The following ST6GAL1 variants were observed in gnomAD, a reference collection of about 807,000 sequenced individuals.
The protein encoded by ST6GAL1 is ST6 beta-galactoside alpha-2,6-sialyltransferase 1.
ST6GAL1 carries 20 observed loss-of-function variants against 38.0 expected under a neutral mutation model. That is an observed-to-expected ratio of 0.53 (90% CI 0.37 to 0.77). The LOEUF is 0.77. Ranked by LOEUF, ST6GAL1 falls within the 30% of genes least tolerant of loss-of-function variation. The pLI is 0.00. For synonymous variants in ST6GAL1, 196 were observed against 188.2 expected, an observed-to-expected ratio of 1.04 and a Z score of -0.34; for missense variants, 432 against 496.4, an observed-to-expected ratio of 0.87 and a Z score of 1.23.
intron 1 of ST6GAL1, among the ~76,000 whole-genome samples, chr3:186,945,305 C>A (rs1714317376): frequency 1.4e-5 from 2 of 143,686 alleles, no homozygotes; most frequent in African/African-American, 5.4e-5. Context: ...GACCCTGTCT[C>A]TATTTAAAAA....
At chr3:186,960,911 C>T (rs906641304) in intron 1 of ST6GAL1, among the ~76,000 whole-genome samples, 1 of 151,708 alleles carries the variant, frequency 6.6e-6, no homozygotes, top group Non-Finnish European at 1.5e-5. Context: ...CTGCCCTGCT[C>T]TCTTTGTAGG....
intron 5 of ST6GAL1, among the ~76,000 whole-genome samples, chr3:187,066,084 T>C (rs1579378358): frequency 6.7e-6 from 1 of 149,428 alleles, no homozygotes; most frequent in Admixed American, 6.6e-5. Flanking sequence ...GCAGGGCGGG[T>C]GGGAGGTGGG....
intron 5 of ST6GAL1, among the ~76,000 whole-genome samples, chr3:187,052,039 C>T (rs904360934): frequency 2.6e-5 from 4 of 152,170 alleles, no homozygotes; most frequent in African/African-American, 7.2e-5. Flanking sequence ...TCTGAATAAA[C>T]ATATGTGCTC....
At chr3:187,039,473 A>G (rs1241654704) in intron 3 of ST6GAL1, among the ~76,000 whole-genome samples, 5 of 152,198 alleles carry the variant, frequency 3.3e-5, no homozygotes, top group South Asian at 2.1e-4. Context: ...ACTGGCTGGC[A>G]GCAAAGGGGA....
At chr3:186,963,464 C>T (rs980586962) in intron 1 of ST6GAL1, among the ~76,000 whole-genome samples, 3 of 152,156 alleles carry the variant, frequency 2.0e-5, no homozygotes, top group Non-Finnish European at 4.4e-5. Context: ...ATCCATTGTC[C>T]GCAGGCCTTC....
At chr3:186,976,498 C>T (rs1303440597) in intron 2 of ST6GAL1, among the ~76,000 whole-genome samples, 1 of 152,082 alleles carries the variant, frequency 6.6e-6, no homozygotes, top group Non-Finnish European at 1.5e-5. Context: ...GGCACTATCT[C>T]GGCTCACTGC....
At chr3:186,971,152 T>A (rs1156974489) in intron 2 of ST6GAL1, among the ~76,000 whole-genome samples, 2 of 152,226 alleles carry the variant, frequency 1.3e-5, no homozygotes, top group Admixed American at 6.5e-5. Context: ...GCAGTGGTGC[T>A]ATCTTGGCTC....
In ST6GAL1 at chr3:186,936,939, CAA is replaced by C. The variant is rs60914982; in HGVS notation, c.-325+6127_-325+6128del. Among the ~76,000 whole-genome samples the C allele has an allele frequency of 2.8e-3, 247 of 87,924 alleles. 1 individual carries two copies. Among genetic ancestry groups the C allele is most frequent in the African/African-American group, 5.5e-3 (135 of 24,690 alleles). The allele number at this position is 87,924 out of a possible 152,430, so 57.7% of individuals were successfully genotyped here. On this transcript the variant is annotated intron_variant, in intron 1 of 7. Transcript: ENST00000169298. ...CCTGGGTGACAGAGCAAGACTGTCTCAAAAAAAAAAAAAAAAAAAAAAAGAAA... is the reference window on the plus strand; with the variant it reads ...CCTGGGTGACAGAGCAAGACTGTCTCAAAAAAAAAAAAAAAAAAAAAGAAA...
intron 2 of ST6GAL1, among the ~76,000 whole-genome samples, chr3:187,009,906 G>A (rs569528060): frequency 2.0e-5 from 3 of 152,202 alleles, no homozygotes; most frequent in Non-Finnish European, 2.9e-5. Flanking sequence ...TCAGGAGGCC[G>A]AGGCAGGAGA....
At chr3:186,946,495 C>T (rs1471240949) in intron 1 of ST6GAL1, among the ~76,000 whole-genome samples, 2 of 152,084 alleles carry the variant, frequency 1.3e-5, no homozygotes, top group Non-Finnish European at 2.9e-5. Flanking sequence ...GATCCTCCCG[C>T]CGGCCTCCGA....
chr3:186,984,822 T>TCCTC, intron 2 of ST6GAL1, among the ~76,000 whole-genome samples: 1 of 41,094 alleles, frequency 2.4e-5, no homozygotes, highest in African/African-American at 9.2e-5. Flanking sequence ...CTTCCTTCCT[T>TCCTC]CCTTCCCTCC....
intron 5 of ST6GAL1, among the ~76,000 whole-genome samples, chr3:187,066,030 C>T (rs1254777391): frequency 6.6e-6 from 1 of 151,498 alleles, no homozygotes; most frequent in East Asian, 2.0e-4. Context: ...GAAGCTCCAA[C>T]TTTTCTTCTC....
At chr3:186,968,023 C>T (rs951299018) in intron 2 of ST6GAL1, among the ~76,000 whole-genome samples, 5 of 152,204 alleles carry the variant, frequency 3.3e-5, no homozygotes, top group Admixed American at 6.5e-5. Flanking sequence ...AGATCTCCTG[C>T]AGCCCCAGCC....
rs1560131446 is a variant in ST6GAL1 at position 186,930,533 on chromosome 3, T to A, written c.-626T>A. Reference sequence around the variant, plus strand: ...TTCCCGCCCCTCCGCCGCGCTCTTCTTCCTTCCTTCTCCAGTCCCTTCCAC... The same window carrying A: ...TTCCCGCCCCTCCGCCGCGCTCTTCATCCTTCCTTCTCCAGTCCCTTCCAC... On this transcript the variant is annotated 5_prime_UTR_variant, in exon 1 of 8. Transcript: ENST00000169298. 6.5e-6 allele frequency: 1 copy of A among 152,894 alleles called. No individual in the cohort carries two copies. The highest frequency in any genetic ancestry group is 2.4e-5 in the African/African-American group (1 of 41,478). 9.5% of individuals were successfully genotyped at this position (152,894 alleles called of 1,614,324 possible).
intron 1 of ST6GAL1, among the ~76,000 whole-genome samples, chr3:186,940,659 G>T (rs898808371): frequency 2.0e-5 from 3 of 152,160 alleles, no homozygotes; most frequent in African/African-American, 4.8e-5. Flanking sequence ...TGTGGCCCAA[G>T]ATAATTCTTC....
At chr3:186,982,333 T>TA (rs1388574639) in intron 2 of ST6GAL1, among the ~76,000 whole-genome samples, 6 of 152,250 alleles carry the variant, frequency 3.9e-5, no homozygotes, top group Non-Finnish European at 7.3e-5. Context: ...TCCATGTGGA[T>TA]AAGCATGACC....
Position 187,075,479 on chromosome 3 carries a change from A to C in ST6GAL1, c.980-83A>C, listed in dbSNP as rs1291881455. The stretch of plus-strand genomic sequence containing the variant: ...GGGAAAGCTCTCCAAATTTGGGGTC[A>C]TGAGCTGCTGAACCCACTGGGCAGA... On this transcript the variant is annotated intron_variant, in intron 7 of 7. Coordinates refer to ENST00000169298, the MANE Select transcript of ST6GAL1 (RefSeq NM_173216.2). The surrounding 1 kb of genome is among the most constrained non-coding windows in gnomAD (Gnocchi z 4.1). 9 of 1,559,268 alleles carry C rather than the reference A, an allele frequency of 5.8e-6. No individual in the cohort carries two copies. Among genetic ancestry groups the C allele is most frequent in the Non-Finnish European group, 7.8e-6 (9 of 1,151,010 alleles).
Position 187,042,765 on chromosome 3 carries a change from C to T in ST6GAL1, c.62C>T (p.Ala21Val). ...SCCVLVFLLF[A>V]VICVWKEKKK... ...TGCGTCCTGGTCTTTCTTCTGTTTGCAGTCATCTGTGTGTGGAAGGAAAAG... is the reference window on the plus strand; with the variant it reads ...TGCGTCCTGGTCTTTCTTCTGTTTGTAGTCATCTGTGTGTGGAAGGAAAAG... The change falls in exon 4 of 8, where the codon GCA becomes GTA. Residue 21 changes from alanine (A) to valine (V), a missense_variant. Transcript: ENST00000169298. 2 of 1,614,098 alleles carry T rather than the reference C, an allele frequency of 1.2e-6. No homozygotes were observed. The highest frequency in any genetic ancestry group is 1.7e-6 in the Non-Finnish European group (2 of 1,179,998).
chr3:187,002,413 T>G (rs1455800744), intron 2 of ST6GAL1, among the ~76,000 whole-genome samples: 2 of 152,240 alleles, frequency 1.3e-5, no homozygotes, highest in African/African-American at 2.4e-5. Context: ...AAAAGACCCT[T>G]GAGCACAGCT....
Sources: allele counts gnomAD v4.1 joint callset (sites outside exome capture counted in the v4.1 genomes callset), GRCh38; gene constraint gnomAD v4.1.1; non-coding constraint Gnocchi (gnomAD v3.1); transcripts MANE v1.5; gene names NCBI Gene and HGNC (gene_info 2026-07-23, HGNC 2026-07-21).